Variants in EXT1 observed in about 807,000 individuals in gnomAD.
The protein encoded by EXT1 is exostosin glycosyltransferase 1.
Under a neutral mutation model 82.5 loss-of-function variants are expected in EXT1, and 20 were observed. The observed-to-expected ratio is 0.24, with a 90% confidence interval of 0.17 to 0.35. EXT1 has a LOEUF of 0.35. Ranked by LOEUF, EXT1 falls within the 10% of genes least tolerant of loss-of-function variation. The pLI is 1.00. For synonymous variants in EXT1, 348 were observed against 350.8 expected (o/e 0.99, Z 0.09); for missense variants, 757 against 936.5 (o/e 0.81, Z 2.50).
intron 1 of EXT1, among the ~76,000 whole-genome samples, chr8:117,978,998 C>T (rs551707995): frequency 2.6e-4 from 40 of 152,190 alleles, no homozygotes; most frequent in South Asian, 8.3e-4. Context: ...AGTGACATGC[C>T]TGTCCCACCA....
chr8:118,015,211 A>G (rs1158487030), intron 1 of EXT1, among the ~76,000 whole-genome samples: 1 of 152,230 alleles, frequency 6.6e-6, no homozygotes, highest in Non-Finnish European at 1.5e-5. Context: ...CAGCCTTGCA[A>G]GCGCTGACGC....
chr8:117,976,096 T>C (rs1485173792), intron 1 of EXT1, among the ~76,000 whole-genome samples: 1 of 152,208 alleles, frequency 6.6e-6, no homozygotes, highest in East Asian at 1.9e-4. Flanking sequence ...AATAAAGAAC[T>C]TAAGCAAATG....
chr8:118,088,610 T>C (rs1049086971), intron 1 of EXT1, among the ~76,000 whole-genome samples: 2 of 151,638 alleles, frequency 1.3e-5, no homozygotes, highest in Non-Finnish European at 2.9e-5. Flanking sequence ...TGTTCAACTG[T>C]GGGTTCTAAT....
intron 1 of EXT1, among the ~76,000 whole-genome samples, chr8:118,054,972 A>AT (rs1816773962): frequency 6.6e-6 from 1 of 151,712 alleles, no homozygotes; most frequent in Non-Finnish European, 1.5e-5. Flanking sequence ...ATATATATAT[A>AT]AATTTTTTAA....
intron 1 of EXT1, among the ~76,000 whole-genome samples, chr8:117,949,045 A>T (rs1313970885): frequency 6.6e-6 from 1 of 152,194 alleles, no homozygotes; most frequent in African/African-American, 2.4e-5. Flanking sequence ...ATAGGCCTGA[A>T]TTTTAAATGT....
At chr8:117,971,895 A>G (rs1814948318) in intron 1 of EXT1, among the ~76,000 whole-genome samples, 1 of 152,222 alleles carries the variant, frequency 6.6e-6, no homozygotes, top group South Asian at 2.1e-4. Context: ...TCACGCCTGT[A>G]ATCCCAGCAC....
intron 5 of EXT1, among the ~76,000 whole-genome samples, chr8:117,821,778 G>T (rs1349378101): frequency 2.6e-5 from 4 of 152,148 alleles, no homozygotes; most frequent in Non-Finnish European, 5.9e-5. Flanking sequence ...TAACTGATGG[G>T]AAATGTTCAT....
chr8:118,053,373 G>A (rs901115495), intron 1 of EXT1, among the ~76,000 whole-genome samples: 19 of 152,102 alleles, frequency 1.2e-4, no homozygotes, highest in Non-Finnish European at 8.8e-5. Flanking sequence ...TCATGCCCTT[G>A]ATATCCTTTT....
intron 1 of EXT1, among the ~76,000 whole-genome samples, chr8:117,894,690 C>T (rs1290968743): frequency 6.6e-6 from 1 of 152,186 alleles, no homozygotes; most frequent in African/African-American, 2.4e-5. Flanking sequence ...CAACCAGGCC[C>T]TGTTTAAAAG....
intron 1 of EXT1, among the ~76,000 whole-genome samples, chr8:118,024,044 A>G (rs1816156969): frequency 6.6e-6 from 1 of 152,152 alleles, no homozygotes; most frequent in African/African-American, 2.4e-5. Flanking sequence ...CCTTCCCCCT[A>G]TCTCCCATCC....
intron 1 of EXT1, among the ~76,000 whole-genome samples, chr8:118,046,519 G>C (rs537728830): frequency 6.6e-6 from 1 of 152,306 alleles, no homozygotes; most frequent in South Asian, 2.1e-4. Context: ...TGGGTAGGAA[G>C]CGGTGGGGCA....
chr8:118,098,269 T>A (rs1429618335), intron 1 of EXT1, among the ~76,000 whole-genome samples: 1 of 152,070 alleles, frequency 6.6e-6, no homozygotes, highest in African/African-American at 2.4e-5. Flanking sequence ...ATGCCCAACA[T>A]ACCTGCCAGG....
intron 1 of EXT1, among the ~76,000 whole-genome samples, chr8:118,007,284 G>A (rs762745570): frequency 2.6e-5 from 4 of 151,644 alleles, no homozygotes; most frequent in South Asian, 4.2e-4. Flanking sequence ...GGGACACAGC[G>A]AGACACCATC....
intron 1 of EXT1, among the ~76,000 whole-genome samples, chr8:117,919,464 A>G (rs1813815128): frequency 6.6e-6 from 1 of 151,620 alleles, no homozygotes; most frequent in African/African-American, 2.4e-5. Context: ...TGCAGGAATT[A>G]CAGCCATGAG....
intron 8 of EXT1, among the ~76,000 whole-genome samples, chr8:117,810,147 A>C (rs1262384466): frequency 6.6e-6 from 1 of 152,256 alleles, no homozygotes; most frequent in Non-Finnish European, 1.5e-5. Flanking sequence ...TCTTTTGAGC[A>C]GCGTCTGCAG....
chr8:118,006,422 T>C (rs1291608132), intron 1 of EXT1, among the ~76,000 whole-genome samples: 1 of 152,188 alleles, frequency 6.6e-6, no homozygotes, highest in Non-Finnish European at 1.5e-5. Context: ...TGAGACCAAA[T>C]ATGAGCTCTG....
rs1563575216 is a variant in EXT1, at chr8:117,835,377, C to A, written c.1164+67G>T. ...AGAGCTGACCTTTTGGATTCATCTTCTTTGAAAGTTTGGACGGGGGCAGCA... is the reference window on the plus strand; with the variant it reads ...AGAGCTGACCTTTTGGATTCATCTTATTTGAAAGTTTGGACGGGGGCAGCA... On this transcript the variant is annotated intron_variant, in intron 3 of 10. Coordinates refer to ENST00000378204, the MANE Select transcript of EXT1 (RefSeq NM_000127.3). 4.1e-6 allele frequency: 5 copies of A among 1,216,328 alleles called. No homozygotes were observed. In the East Asian group the frequency reaches 1.2e-4, roughly 28 times the overall value. The allele number at this position is 1,216,328 out of a possible 1,614,324, so 75.3% of individuals were successfully genotyped here. A position where few individuals can be genotyped will look rare whatever the true frequency, so the allele number is the denominator to read the frequency against.
intron 1 of EXT1, among the ~76,000 whole-genome samples, chr8:117,988,524 A>G (rs900252098): frequency 2.6e-5 from 4 of 152,162 alleles, no homozygotes; most frequent in African/African-American, 9.7e-5. Context: ...TGTAAAGGTA[A>G]CCACAGCATC....
At chr8:117,805,143 A>G (rs1279903386) in intron 9 of EXT1, among the ~76,000 whole-genome samples, 1 of 152,198 alleles carries the variant, frequency 6.6e-6, no homozygotes, top group Non-Finnish European at 1.5e-5. Context: ...AGGTTCTATT[A>G]TTACTCCCAT....
Sources: gnomAD v4.1 joint callset for allele counts (sites outside exome capture counted in the v4.1 genomes callset) on GRCh38, gnomAD v4.1.1 for gene constraint, MANE v1.5 for transcripts, NCBI Gene and HGNC (gene_info 2026-07-23, HGNC 2026-07-21) for gene names.